Variants in CLVS2 observed in about 807,000 individuals in gnomAD.
The protein encoded by CLVS2 is clavesin 2.
A neutral mutation model predicts 29.0 loss-of-function variants in CLVS2; 19 were observed. That is an observed-to-expected ratio of 0.66 (90% confidence interval 0.46 to 0.96). CLVS2 has a LOEUF of 0.96. Ranked by LOEUF, CLVS2 falls within the 40% of genes least tolerant of loss-of-function variation. The probability of loss-of-function intolerance (pLI) is 0.00; values close to 1 mark genes in which losing one functional copy is unlikely to be tolerated. For synonymous variants in CLVS2, 161 were observed against 151.3 expected, an observed-to-expected ratio of 1.06 and a Z score of -0.47; for missense variants, 294 against 404.1, an observed-to-expected ratio of 0.73 and a Z score of 2.34.
At chr6:123,051,980 C>T (rs994601348) in intron 4 of CLVS2, among the ~76,000 whole-genome samples, 1 of 152,068 alleles carries the variant, frequency 6.6e-6, no homozygotes, top group Non-Finnish European at 1.5e-5. Context: ...ACTGCCTGGT[C>T]CAGAGATGCA....
intron 2 of CLVS2, among the ~76,000 whole-genome samples, chr6:123,009,054 A>G (rs778220945): frequency 6.6e-6 from 1 of 152,028 alleles, no homozygotes; most frequent in Non-Finnish European, 1.5e-5. Flanking sequence ...TTATCATTCT[A>G]ACAAAAAGTA....
At chr6:123,040,603 G>T (rs1057112791) in intron 3 of CLVS2, among the ~76,000 whole-genome samples, 1 of 152,080 alleles carries the variant, frequency 6.6e-6, no homozygotes, top group Non-Finnish European at 1.5e-5. Flanking sequence ...GACCAGCCTG[G>T]CCAAGATGGT....
At position 123,069,609 on chromosome 6, in the gene CLVS2, A is replaced by G. The variant is rs1772911719; in HGVS notation, c.*5848A>G. On this transcript the variant is annotated 3_prime_UTR_variant, in exon 6 of 6. Transcript: ENST00000275162. ...AATCGTTATTGCTGCTCCCTCCTAA[A>G]GGCAGGCCAGGAGAAGCCACATTTC... 1 of 151,824 alleles carries G rather than the reference A, an allele frequency of 6.6e-6. No individual in the cohort carries two copies. Among genetic ancestry groups the G allele is most frequent in the Non-Finnish European group, 1.5e-5 (1 of 67,848 alleles). The allele number at this position is 151,824 out of a possible 1,614,324, so 9.4% of individuals were successfully genotyped here.
At chr6:123,028,296 T>C (rs1012198977) in intron 3 of CLVS2, among the ~76,000 whole-genome samples, 1 of 152,224 alleles carries the variant, frequency 6.6e-6, no homozygotes, top group South Asian at 2.1e-4. Context: ...ATGAAAAGTT[T>C]AGTGCAAACA....
chr6:123,023,067 A>G (rs1774947283), intron 3 of CLVS2, among the ~76,000 whole-genome samples: 1 of 152,134 alleles, frequency 6.6e-6, no homozygotes, highest in African/African-American at 2.4e-5. Context: ...CCAGTTTTAT[A>G]GATATTTAGA....
intron 3 of CLVS2, among the ~76,000 whole-genome samples, chr6:123,034,146 A>T (rs1360449959): frequency 6.6e-6 from 1 of 152,150 alleles, no homozygotes; most frequent in Non-Finnish European, 1.5e-5. Context: ...TCGGGAAAAC[A>T]ATTGGCAGTT....
chr6:123,061,826 G>A (rs1053205830), intron 5 of CLVS2, among the ~76,000 whole-genome samples: 2 of 151,632 alleles, frequency 1.3e-5, no homozygotes, highest in African/African-American at 4.8e-5. Context: ...GAAGAGCTTT[G>A]GTATGTACTT....
intron 3 of CLVS2, among the ~76,000 whole-genome samples, chr6:123,016,113 G>A (rs4895855): frequency 0.26 from 38,109 of 144,352 alleles, 5,908 homozygotes; most frequent in East Asian, 0.7. Flanking sequence ...GAAAGTATTC[G>A]GCTTTGATAG....
At chr6:123,006,638 T>A (rs1011815966) in intron 2 of CLVS2, among the ~76,000 whole-genome samples, 2 of 152,180 alleles carry the variant, frequency 1.3e-5, no homozygotes, top group African/African-American at 4.8e-5. Flanking sequence ...AGAATGATTC[T>A]TCATTAATTG....
In CLVS2 at chr6:123,067,238, G is replaced by A. The variant is rs997080306; in HGVS notation, c.*3477G>A. On this transcript the variant is annotated 3_prime_UTR_variant, in exon 6 of 6. Transcript: ENST00000275162. ...CTGTAATATTCCTGAGGGAAAAGAGGTCCCTCTATTGCATCAAGAAATTGG... is the reference window on the plus strand; with the variant it reads ...CTGTAATATTCCTGAGGGAAAAGAGATCCCTCTATTGCATCAAGAAATTGG... 4 of 151,640 alleles carry A rather than the reference G, an allele frequency of 2.6e-5. No homozygotes were observed. The highest frequency in any genetic ancestry group is 5.9e-5 in the Non-Finnish European group (4 of 67,726). The allele number at this position is 151,640 out of a possible 1,614,324, so 9.4% of individuals were successfully genotyped here.
chr6:123,063,034 G>C (rs962375338), intron 5 of CLVS2, among the ~76,000 whole-genome samples: 1 of 152,182 alleles, frequency 6.6e-6, no homozygotes, highest in African/African-American at 2.4e-5. Flanking sequence ...ATCATAAACT[G>C]TTGCTGCCTA....
Position 123,022,292 on chromosome 6 carries a change from G to A in CLVS2, c.564+11133G>A, listed in dbSNP as rs1774935158. 2.6e-5 allele frequency among the ~76,000 whole-genome samples: 4 copies of A among 151,920 alleles called. No individual in the cohort carries two copies. In the South Asian group the frequency reaches 8.3e-4, roughly 31 times the overall value. On this transcript the variant is annotated intron_variant, in intron 3 of 5. Transcript: ENST00000275162. ...TACTAATGTTAGTCTGCCTCATTTG[G>A]TTTCTAGTAGTGTTGAAAATTCACC...
intron 3 of CLVS2, among the ~76,000 whole-genome samples, chr6:123,042,550 G>A (rs1775249024): frequency 6.6e-6 from 1 of 152,132 alleles, no homozygotes; most frequent in Non-Finnish European, 1.5e-5. Context: ...TATGAAGGAT[G>A]AAATCTTTTG....
At chr6:123,001,744 T>G (rs1458979952) in intron 2 of CLVS2, among the ~76,000 whole-genome samples, 1 of 152,162 alleles carries the variant, frequency 6.6e-6, no homozygotes, top group African/African-American at 2.4e-5. Context: ...GGTGTGAGGA[T>G]AATGTGCCGT....
At chr6:123,018,010 T>A (rs1340017890) in intron 3 of CLVS2, among the ~76,000 whole-genome samples, 1 of 152,084 alleles carries the variant, frequency 6.6e-6, no homozygotes, top group South Asian at 2.1e-4. Flanking sequence ...CCACTGACAA[T>A]GTGACTTGTT....
At chr6:123,056,059 G>A (rs1409161989) in intron 5 of CLVS2, 33 bp downstream of exon 5, 4 of 1,479,366 alleles carry the variant, frequency 2.7e-6, no homozygotes, top group Middle Eastern at 3.4e-4. Context: ...AGTGGGCTGG[G>A]CCAGGGCAGG....
chr6:123,068,127 G>A lies in CLVS2; in HGVS notation c.*4366G>A, dbSNP rs2114377977. The stretch of plus-strand genomic sequence containing the variant: ...ACTAACTATGGGAATGAATTCTCCA[G>A]TACCATAGGAAAATATATAAGATAA... On this transcript the variant is annotated 3_prime_UTR_variant, in exon 6 of 6. Coordinates refer to ENST00000275162, the MANE Select transcript of CLVS2 (RefSeq NM_001010852.4). 6.6e-6 allele frequency: 1 copy of A among 151,420 alleles called. No homozygotes were observed. The highest frequency in any genetic ancestry group is 2.1e-4 in the South Asian group (1 of 4,796). The allele number at this position is 151,420 out of a possible 1,614,324, so 9.4% of individuals were successfully genotyped here. A position where few individuals can be genotyped will look rare whatever the true frequency, so the allele number is the denominator to read the frequency against.
intron 5 of CLVS2, 112 bp downstream of exon 5, chr6:123,056,138 A>C (rs1772690577): frequency 5.9e-6 from 4 of 683,560 alleles, no homozygotes; most frequent in Non-Finnish European, 1.0e-5. Context: ...GGGATTTTAA[A>C]ACTCTTTATG....
chr6:123,009,835 T>C (rs1047079982), intron 2 of CLVS2, among the ~76,000 whole-genome samples: 9 of 152,112 alleles, frequency 5.9e-5, no homozygotes, highest in Admixed American at 5.9e-4. Flanking sequence ...TTCTCTTAGC[T>C]CTGACTGCAT....
Sources: gnomAD v4.1 joint callset for allele counts (sites outside exome capture counted in the v4.1 genomes callset) on GRCh38, gnomAD v4.1.1 for gene constraint, MANE v1.5 for transcripts, NCBI Gene and HGNC (gene_info 2026-07-23, HGNC 2026-07-21) for gene names.